CDH12: variants seen among roughly 807,000 people sequenced by gnomAD.
CDH12 encodes cadherin 12.
In CDH12, 41 loss-of-function variants were observed where a neutral mutation model predicts 74.1. The observed-to-expected ratio is 0.55, with a 90% CI of 0.43 to 0.72. The LOEUF (loss-of-function observed/expected upper bound fraction) is 0.72, where lower values mean the gene tolerates loss of function less well. Among genes scored for constraint, CDH12 ranks in the 30% least tolerant of loss-of-function variants. The pLI, the probability that CDH12 is intolerant of heterozygous loss-of-function variation, is 0.00. For synonymous variants in CDH12, 399 were observed against 355.0 expected, an observed-to-expected ratio of 1.12 and a Z score of -1.39; for missense variants, 945 against 977.2, an observed-to-expected ratio of 0.97 and a Z score of 0.44.
intron 10 of CDH12, among the ~76,000 whole-genome samples, chr5:21,797,514 G>C (rs927374017): frequency 3.9e-5 from 6 of 152,016 alleles, no homozygotes; most frequent in Non-Finnish European, 7.4e-5. Flanking sequence ...GTTTCATGTT[G>C]ATTCAAAAAC....
intron 6 of CDH12, among the ~76,000 whole-genome samples, chr5:21,891,139 T>C (rs912596515): frequency 6.6e-6 from 1 of 152,098 alleles, no homozygotes; most frequent in Non-Finnish European, 1.5e-5. Context: ...CTAATTGCAA[T>C]TTATAGTTCT....
chr5:22,576,182 T>G (rs1470912683), intron 1 of CDH12, among the ~76,000 whole-genome samples: 1 of 152,202 alleles, frequency 6.6e-6, no homozygotes, highest in Non-Finnish European at 1.5e-5. Context: ...CCCTGCTTCA[T>G]TCAGTGCTGA....
At chr5:21,883,825 T>C (rs1384797279) in intron 6 of CDH12, 7 of 1,601,186 alleles carry the variant, frequency 4.4e-6, no homozygotes, top group African/African-American at 1.3e-5. Flanking sequence ...ACAAGTGATG[T>C]TGAAGTGAAT....
chr5:22,012,355 G>T (rs1737352454), intron 5 of CDH12, among the ~76,000 whole-genome samples: 1 of 152,100 alleles, frequency 6.6e-6, no homozygotes, highest in South Asian at 2.1e-4. Context: ...GTGAGAAACA[G>T]AATAAGTTAT....
chr5:21,972,402 C>A (rs1756890630), intron 6 of CDH12, among the ~76,000 whole-genome samples: 1 of 152,066 alleles, frequency 6.6e-6, no homozygotes, highest in African/African-American at 2.4e-5. Flanking sequence ...TACAAAGTTC[C>A]ATCTGGTCTT....
At chr5:22,264,092 T>G (rs34800363) in intron 3 of CDH12, among the ~76,000 whole-genome samples, 53,033 of 151,226 alleles carry the variant, frequency 0.35, 9,681 homozygotes, top group East Asian at 0.49. Context: ...TATTATATAT[T>G]TATTTAAATA....
rs187100925 is a variant in CDH12, at chr5:22,061,228, T to C, written c.231+17218A>G. ...GGAAATTCCACAGGTAGAAATAATATGCTTCCTTAATAGTAATTTCATATA... is the reference window on the plus strand; with the variant it reads ...GGAAATTCCACAGGTAGAAATAATACGCTTCCTTAATAGTAATTTCATATA... On this transcript the variant is annotated intron_variant, in intron 5 of 14. Transcript: ENST00000382254. Among the ~76,000 whole-genome samples, 371 of 152,276 alleles carry C rather than the reference T, an allele frequency of 2.4e-3. 5 individuals carry two copies. The highest frequency in any genetic ancestry group is 2.6e-3 in the Non-Finnish European group (177 of 68,018).
chr5:22,059,004 A>G (rs2150202924), intron 5 of CDH12, among the ~76,000 whole-genome samples: 1 of 152,248 alleles, frequency 6.6e-6, no homozygotes, highest in East Asian at 1.9e-4. Context: ...CTTTTATGAT[A>G]CTACACGAGT....
chr5:22,465,757 A>G (rs1417273611), intron 2 of CDH12, among the ~76,000 whole-genome samples: 1 of 152,192 alleles, frequency 6.6e-6, no homozygotes, highest in Non-Finnish European at 1.5e-5. Flanking sequence ...TGGCATGATC[A>G]TGCACTCAGT....
chr5:21,921,479 G>A (rs111380385), intron 6 of CDH12, among the ~76,000 whole-genome samples: 5 of 152,102 alleles, frequency 3.3e-5, no homozygotes, highest in African/African-American at 9.6e-5. Context: ...TGCTACTGAT[G>A]GTTGCTCTAT....
rs78434074 is a variant in CDH12 at position 22,572,724 on chromosome 5, A to T, written c.-522-67360T>A. 6.6e-3 allele frequency among the ~76,000 whole-genome samples: 1,006 copies of T among 152,278 alleles called. 5 individuals carry two copies. Among genetic ancestry groups the T allele is most frequent in the African/African-American group, 0.023 (969 of 41,564 alleles). The stretch of plus-strand genomic sequence containing the variant: ...TAAAACTCATAATTTTCTTCTTCTT[A>T]TCTGATTTCTAAATGAATTCTTTAC... On this transcript the variant is annotated intron_variant, in intron 1 of 14. Coordinates refer to ENST00000382254, the MANE Select transcript of CDH12 (RefSeq NM_004061.5).
chr5:22,307,754 C>T lies in CDH12; in HGVS notation c.-332-95111G>A, dbSNP rs78069318. ...AAAATCTTGGTGACAAACTGCTATC[C>T]CAACCCTAGTAACTAATATGGGTCA... On this transcript the variant is annotated intron_variant, in intron 3 of 14. Transcript: ENST00000382254. 7.4e-3 allele frequency among the ~76,000 whole-genome samples: 1,118 copies of T among 152,022 alleles called. 6 individuals carry two copies. Among genetic ancestry groups the T allele is most frequent in the South Asian group, 0.023 (110 of 4,806 alleles).
intron 8 of CDH12, among the ~76,000 whole-genome samples, chr5:21,833,541 A>C (rs1053404418): frequency 1.0e-5 from 1 of 97,952 alleles, no homozygotes; most frequent in Non-Finnish European, 1.9e-5. Context: ...TATTATATGT[A>C]ATATATTATA....
At chr5:22,017,089 A>C (rs549193938) in intron 5 of CDH12, among the ~76,000 whole-genome samples, 1 of 152,062 alleles carries the variant, frequency 6.6e-6, no homozygotes, top group Admixed American at 6.6e-5. Context: ...GTTGGCCACC[A>C]TATCAACTCA....
chr5:22,566,628 C>T (rs531318943), intron 1 of CDH12, among the ~76,000 whole-genome samples: 107 of 152,256 alleles, frequency 7.0e-4, no homozygotes, highest in African/African-American at 2.6e-3. Context: ...TCTTTCTTCT[C>T]AGTTTTCGCT....
chr5:22,776,626 G>GA (rs1359959914), intron 1 of CDH12, among the ~76,000 whole-genome samples: 2 of 152,004 alleles, frequency 1.3e-5, no homozygotes, highest in Non-Finnish European at 2.9e-5. Flanking sequence ...GATTCTTCTA[G>GA]AAAAAAATAG....
chr5:22,436,824 G>A (rs1052625634), intron 2 of CDH12, among the ~76,000 whole-genome samples: 1 of 152,096 alleles, frequency 6.6e-6, no homozygotes, highest in Non-Finnish European at 1.5e-5. Context: ...AGAGAAGGTC[G>A]TTACCCTTTA....
chr5:22,543,131 C>T (rs949739976), intron 1 of CDH12, among the ~76,000 whole-genome samples: 3 of 152,082 alleles, frequency 2.0e-5, no homozygotes, highest in African/African-American at 7.2e-5. Context: ...ATCTTTTGGT[C>T]ATTCCACCTT....
chr5:21,835,383 G>A lies in CDH12; in HGVS notation c.814+6778C>T, dbSNP rs997234569. ...TATGTGTGTGTATATATATATATATGTATACACATATATATACACAAATGA... is the reference window on the plus strand; with the variant it reads ...TATGTGTGTGTATATATATATATATATATACACATATATATACACAAATGA... On this transcript the variant is annotated intron_variant, in intron 8 of 14. Transcript: ENST00000382254. Among the ~76,000 whole-genome samples, 4 of 150,052 alleles carry A rather than the reference G, an allele frequency of 2.7e-5. No homozygotes were observed. The South Asian group carries it at 6.3e-4, about 24-fold the overall frequency.
Sources: allele counts gnomAD v4.1 joint callset (sites outside exome capture counted in the v4.1 genomes callset), GRCh38; gene constraint gnomAD v4.1.1; transcripts MANE v1.5; gene names NCBI Gene and HGNC (gene_info 2026-07-23, HGNC 2026-07-21).